NEXMIF: variants seen among roughly 807,000 people sequenced by gnomAD.
NEXMIF encodes the protein XLMR protein related to neurite extension.
NEXMIF carries 8 observed loss-of-function variants against 62.1 expected under a neutral mutation model. The observed-to-expected ratio is 0.13, with a 90% CI of 0.08 to 0.23. NEXMIF has a LOEUF of 0.23. Ranked by LOEUF, NEXMIF falls within the 10% of genes least tolerant of loss-of-function variation. The probability of loss-of-function intolerance (pLI) is 1.00; values close to 1 mark genes in which losing one functional copy is unlikely to be tolerated. For missense variants in NEXMIF, 976 were observed against 1,113.3 expected (o/e 0.88, Z 1.75); for synonymous variants, 404 against 416.6 (o/e 0.97, Z 0.37).
intron 1 of NEXMIF, among the ~76,000 whole-genome samples, chrX:74,761,972 CTTTTT>C (rs2080177783): frequency 9.0e-6 from 1 of 110,922 alleles, no homozygotes; most frequent in Non-Finnish European, 1.9e-5. Flanking sequence ...TTCTTTCTTT[CTTTTT>C]TATTATACTT....
intron 1 of NEXMIF, among the ~76,000 whole-genome samples, chrX:74,847,679 T>C (rs753305582): frequency 8.9e-5 from 10 of 111,761 alleles, no homozygotes; most frequent in African/African-American, 3.2e-4. Flanking sequence ...ACATATGTTG[T>C]CTCTCTACCT....
At chrX:74,823,015 C>T (rs138759667) in intron 1 of NEXMIF, among the ~76,000 whole-genome samples, 48 of 111,603 alleles carry the variant, frequency 4.3e-4, no homozygotes, top group Middle Eastern at 9.2e-3. Flanking sequence ...TATATTATTC[C>T]GCTGCAAAAA....
At chrX:74,774,283 C>T (rs2080222069) in intron 1 of NEXMIF, among the ~76,000 whole-genome samples, 1 of 111,330 alleles carries the variant, frequency 9.0e-6, no homozygotes, top group South Asian at 3.8e-4. Flanking sequence ...AAACTAAGGA[C>T]AAGGGAAGTA....
intron 1 of NEXMIF, among the ~76,000 whole-genome samples, chrX:74,754,446 T>C (rs1466085969): frequency 2.8e-5 from 3 of 107,460 alleles, no homozygotes; most frequent in African/African-American, 1.0e-4. Flanking sequence ...GTAACTGAGA[T>C]TACAGGCGCC....
chrX:74,826,729 T>A (rs1351303389), intron 1 of NEXMIF, among the ~76,000 whole-genome samples: 1 of 111,674 alleles, frequency 9.0e-6, no homozygotes, highest in African/African-American at 3.3e-5. Context: ...TTTTTTCAAG[T>A]AATTTTATAG....
chrX:74,877,886 A>G (rs1473585614), intron 1 of NEXMIF, among the ~76,000 whole-genome samples: 2 of 111,505 alleles, frequency 1.8e-5, no homozygotes, highest in African/African-American at 6.5e-5. Context: ...CTAATTATAC[A>G]TTCTTCTAAA....
intron 1 of NEXMIF, among the ~76,000 whole-genome samples, chrX:74,773,276 C>A (rs1309758794): frequency 8.9e-6 from 1 of 111,924 alleles, no homozygotes; most frequent in African/African-American, 3.2e-5. Context: ...ATATTTATTA[C>A]TTTAATTCAA....
chrX:74,872,925 T>G (rs1160327309), intron 1 of NEXMIF, among the ~76,000 whole-genome samples: 1 of 110,370 alleles, frequency 9.1e-6, no homozygotes, highest in Non-Finnish European at 1.9e-5. Context: ...AATGCCTTAT[T>G]TTTTTATTTT....
chrX:74,873,134 T>A (rs1228434999), intron 1 of NEXMIF, among the ~76,000 whole-genome samples: 3 of 110,024 alleles, frequency 2.7e-5, no homozygotes, highest in African/African-American at 9.9e-5. Context: ...ATGCTATCCC[T>A]CCCCCATCCC....
intron 1 of NEXMIF, among the ~76,000 whole-genome samples, chrX:74,836,019 T>A (rs1262439655): frequency 8.9e-6 from 1 of 112,870 alleles, no homozygotes; most frequent in Admixed American, 9.3e-5. Flanking sequence ...TCTTTCTTCT[T>A]CTTTCCACAG....
intron 1 of NEXMIF, among the ~76,000 whole-genome samples, chrX:74,880,068 G>A (rs944760663): frequency 8.9e-6 from 1 of 112,023 alleles, no homozygotes; most frequent in African/African-American, 3.2e-5. Flanking sequence ...TTTGCTAATG[G>A]CTGCCAGGCT....
chrX:74,744,493 A>C lies in NEXMIF; in HGVS notation c.80-16T>G. 8.8e-7 allele frequency: 1 copy of C among 1,136,507 alleles called. No homozygotes were observed. The highest frequency in any genetic ancestry group is 1.2e-6 in the Non-Finnish European group (1 of 849,370). The allele number at this position is 1,136,507 out of a possible 1,213,427, so 93.7% of individuals were successfully genotyped here. The stretch of plus-strand genomic sequence containing the variant: ...TCCTCTGAGTCTAGAAAAAAGGGAA[A>C]GAAATGACAGGAATAAAATTAAGAG... On this transcript the variant is annotated splice_polypyrimidine_tract_variant and intron_variant, in intron 2 of 3. Transcript: ENST00000055682.
In NEXMIF at chrX:74,741,646, T is replaced by A; in HGVS notation, c.2911A>T (p.Asn971Tyr). ...DDSYQLCHFN[N>Y]GEICFPFQQG... ...TGGAAAGGAAAGCAGATCTCTCCAT[T>A]ATTAAAGTGACATAATTGGTAAGAG... The change falls in exon 3 of 4, where the codon AAT becomes TAT. Residue 971 changes from asparagine (N) to tyrosine (Y), a missense_variant. Coordinates refer to ENST00000055682, the MANE Select transcript of NEXMIF (RefSeq NM_001008537.3). The A allele has an allele frequency of 8.3e-7, 1 of 1,211,529 alleles. No homozygotes were observed. Among genetic ancestry groups the A allele is most frequent in the Non-Finnish European group, 1.1e-6 (1 of 895,194 alleles).
intron 1 of NEXMIF, among the ~76,000 whole-genome samples, chrX:74,760,481 T>C (rs1316188160): frequency 1.8e-5 from 2 of 112,202 alleles, no homozygotes; most frequent in African/African-American, 6.5e-5. Flanking sequence ...TCAATGGAAA[T>C]GCTTCCAGCT....
In NEXMIF at chrX:74,735,783, T is replaced by G; in HGVS notation, c.*3622A>C. On this transcript the variant is annotated 3_prime_UTR_variant, in exon 4 of 4. Transcript: ENST00000055682. ...GTAACAAGAAGTCAGAAGGGAAAGC[T>G]GGGAGGAAGCAGCATATGTGAAGAA... 8.9e-6 allele frequency: 1 copy of G among 111,942 alleles called. No individual in the cohort carries two copies. 9.2% of individuals were successfully genotyped at this position (111,942 alleles called of 1,213,427 possible). A position where few individuals can be genotyped will look rare whatever the true frequency, so the allele number is the denominator to read the frequency against.
chrX:74,917,213 TAGTG>T (rs773393147), intron 1 of NEXMIF, among the ~76,000 whole-genome samples: 7 of 111,495 alleles, frequency 6.3e-5, no homozygotes, highest in East Asian at 2.8e-4. Context: ...GTTCTCATGA[TAGTG>T]AGTGAGTTCT....
At chrX:74,879,801 T>C (rs745765694) in intron 1 of NEXMIF, among the ~76,000 whole-genome samples, 1 of 112,281 alleles carries the variant, frequency 8.9e-6, no homozygotes, top group South Asian at 3.7e-4. Context: ...TGACTTTCCA[T>C]AGTCTGTTGA....
At chrX:74,824,294 C>A (rs771956189) in intron 1 of NEXMIF, among the ~76,000 whole-genome samples, 1 of 111,800 alleles carries the variant, frequency 8.9e-6, no homozygotes, top group East Asian at 2.8e-4. Flanking sequence ...CAAGCCCCAG[C>A]CTGTGTAACC....
At chrX:74,894,138 A>C (rs1602270019) in intron 1 of NEXMIF, among the ~76,000 whole-genome samples, 1 of 79,984 alleles carries the variant, frequency 1.3e-5, no homozygotes, top group Non-Finnish European at 2.2e-5. Flanking sequence ...CTAAAAGTAC[A>C]AAAAAAAAAA....
Sources: gnomAD v4.1 joint callset for allele counts (sites outside exome capture counted in the v4.1 genomes callset) on GRCh38, gnomAD v4.1.1 for gene constraint, MANE v1.5 for transcripts, NCBI Gene and HGNC (gene_info 2026-07-23, HGNC 2026-07-21) for gene names.